Variants in GPATCH8 observed in about 807,000 individuals in gnomAD.
GPATCH8 encodes the protein G-patch domain containing 8, also known as G patch domain-containing protein 8.
GPATCH8 carries 18 observed loss-of-function variants against 118.3 expected under a neutral mutation model. The observed-to-expected ratio is 0.15, with a 90% CI of 0.11 to 0.23. The LOEUF (loss-of-function observed/expected upper bound fraction) is 0.23. GPATCH8 is among the 10% of genes least tolerant of loss of function. The pLI, the probability that GPATCH8 is intolerant of heterozygous loss-of-function variation, is 1.00. For missense variants in GPATCH8, 1,631 were observed against 1,873.8 expected (o/e 0.87, Z 2.39); for synonymous variants, 659 against 684.7 (o/e 0.96, Z 0.59).
At chr17:44,468,643 A>C (rs1044010425) in intron 2 of GPATCH8, among the ~76,000 whole-genome samples, 7 of 151,966 alleles carry the variant, frequency 4.6e-5, no homozygotes, top group Admixed American at 1.3e-4. Context: ...ATGACTAAAA[A>C]TCTTTTGGTT....
intron 1 of GPATCH8, 90 bp from the exon 2 acceptor site, chr17:44,474,993 TTTC>T (rs1249800795): frequency 1.1e-4 from 82 of 716,598 alleles, no homozygotes; most frequent in Non-Finnish European, 6.2e-5. Context: ...ATTTTTAACT[TTTC>T]TTTTTTTTTT....
chr17:44,426,215 A>G (rs1417304321), intron 5 of GPATCH8, among the ~76,000 whole-genome samples: 12 of 152,244 alleles, frequency 7.9e-5, no homozygotes, highest in South Asian at 2.1e-4. Flanking sequence ...GAACAAAGGG[A>G]TGAACTTGGG....
At chr17:44,457,858 G>T (rs978915859) in intron 3 of GPATCH8, among the ~76,000 whole-genome samples, 4 of 152,128 alleles carry the variant, frequency 2.6e-5, no homozygotes, top group African/African-American at 9.7e-5. Flanking sequence ...GAGGTGGGCA[G>T]ATCACGAGGT....
chr17:44,491,085 G>A (rs538583087), intron 1 of GPATCH8, among the ~76,000 whole-genome samples: 21 of 152,144 alleles, frequency 1.4e-4, no homozygotes, highest in Non-Finnish European at 2.8e-4. Context: ...GGAATTATTA[G>A]GACAAGTCAA....
At chr17:44,501,308 T>C (rs188048529) in intron 1 of GPATCH8, among the ~76,000 whole-genome samples, 154 of 151,866 alleles carry the variant, frequency 1.0e-3, no homozygotes, top group African/African-American at 3.5e-3. Flanking sequence ...TCCCAGCTGC[T>C]TGGGAGGCTG....
intron 2 of GPATCH8, chr17:44,465,985 A>G (rs933031673): frequency 8.5e-5 from 13 of 152,136 alleles, no homozygotes; most frequent in African/African-American, 2.9e-4. Context: ...AAACTGGGCT[A>G]AACAGCTAAT....
chr17:44,397,403 G>A lies in GPATCH8; in HGVS notation c.*165C>T. The A allele has an allele frequency of 1.4e-6, 1 of 702,910 alleles. No homozygotes were observed. The highest frequency in any genetic ancestry group is 1.5e-5 in the South Asian group (1 of 66,728). The allele number at this position is 702,910 out of a possible 1,614,324, so 43.5% of individuals were successfully genotyped here. The stretch of plus-strand genomic sequence containing the variant: ...AGAAATCCCTGATAGTAAACTGAAA[G>A]CAAACTTCAAATCTAAACCCACCCC... On this transcript the variant is annotated 3_prime_UTR_variant, in exon 8 of 8. Coordinates refer to ENST00000591680, the MANE Select transcript of GPATCH8 (RefSeq NM_001002909.4).
intron 2 of GPATCH8, 105 bp downstream of exon 2, chr17:44,474,724 T>C: frequency 1.4e-6 from 1 of 723,538 alleles, no homozygotes; most frequent in South Asian, 1.5e-5. Context: ...AACTCTAAAC[T>C]GTACTATTGG....
rs139103249 is a variant in GPATCH8 at position 44,458,007 on chromosome 17, C to T, written c.193+6465G>A. Among the ~76,000 whole-genome samples, 620 of 152,010 alleles carry T rather than the reference C, an allele frequency of 4.1e-3. 9 individuals are homozygous for T. The highest frequency in any genetic ancestry group is 0.014 in the African/African-American group (571 of 41,444). The stretch of plus-strand genomic sequence containing the variant: ...GGCTGAGGCAGGAGAATGGCGTGAA[C>T]CCGGGAGGTGGAGCTTGCAGTGAGC... On this transcript the variant is annotated intron_variant, in intron 3 of 7. Transcript: ENST00000591680.
At chr17:44,484,239 C>T (rs985868888) in intron 1 of GPATCH8, among the ~76,000 whole-genome samples, 4 of 152,194 alleles carry the variant, frequency 2.6e-5, no homozygotes, top group African/African-American at 9.7e-5. Context: ...CTGCCTCAGC[C>T]TCCCAAAGTG....
chr17:44,440,548 C>T (rs1226582907), intron 3 of GPATCH8, among the ~76,000 whole-genome samples: 3 of 152,154 alleles, frequency 2.0e-5, no homozygotes, highest in Non-Finnish European at 4.4e-5. Flanking sequence ...TCTGGGATTA[C>T]AAGTGTGAGC....
chr17:44,400,564 T>A lies in GPATCH8; in HGVS notation c.1513A>T (p.Thr505Ser). Reference protein sequence around the residue: ...LESHSQKVSETQMCESNSSKE... With the variant: ...LESHSQKVSESQMCESNSSKE... ...GAAGAGTTGGACTCACACATTTGGG[T>A]CTCTGAAACCTTCTGACTATGACTT... is the stretch of plus-strand genomic sequence containing the variant. Residue 505 changes from threonine to serine, a missense_variant, in exon 8 of 8, where the codon ACC becomes TCC. Thr to Ser is a moderately conservative substitution (Grantham distance 58). Coordinates refer to ENST00000591680, the MANE Select transcript of GPATCH8 (RefSeq NM_001002909.4). 6.2e-7 allele frequency: 1 copy of A among 1,614,144 alleles called. No individual in the cohort carries two copies. Among genetic ancestry groups the A allele is most frequent in the Non-Finnish European group, 8.5e-7 (1 of 1,179,994 alleles).
intron 6 of GPATCH8, among the ~76,000 whole-genome samples, chr17:44,412,785 T>A (rs2049492931): frequency 6.6e-6 from 1 of 152,148 alleles, no homozygotes; most frequent in African/African-American, 2.4e-5. Flanking sequence ...CCACTCCTTT[T>A]CCTCTTATGT....
rs2048778157 is a variant in GPATCH8, at chr17:44,396,333, C to A, written c.*1235G>T. The A allele has an allele frequency of 6.6e-6, 3 of 454,394 alleles. No individual in the cohort carries two copies. Among genetic ancestry groups the A allele is most frequent in the Non-Finnish European group, 1.3e-5 (3 of 226,792 alleles). The allele number at this position is 454,394 out of a possible 1,614,324, so 28.1% of individuals were successfully genotyped here. ...GGTCTACCTGTTTCTCTGTGTAAAA[C>A]AGCAAAAGTACATGAGGGAGACTGT... On this transcript the variant is annotated 3_prime_UTR_variant, in exon 8 of 8. Coordinates refer to ENST00000591680, the MANE Select transcript of GPATCH8 (RefSeq NM_001002909.4).
chr17:44,444,474 T>G (rs1367551639), intron 3 of GPATCH8, among the ~76,000 whole-genome samples: 1 of 151,638 alleles, frequency 6.6e-6, no homozygotes, highest in African/African-American at 2.4e-5. Flanking sequence ...AAGTCTTTAG[T>G]TTAAAGAAAA....
At chr17:44,409,668 T>C (rs985618208) in intron 6 of GPATCH8, among the ~76,000 whole-genome samples, 3 of 152,224 alleles carry the variant, frequency 2.0e-5, no homozygotes, top group Admixed American at 1.3e-4. Flanking sequence ...TACTAGGTGA[T>C]TTCACCTCTC....
At chr17:44,407,906 C>G (rs2049293528) in intron 6 of GPATCH8, among the ~76,000 whole-genome samples, 1 of 152,118 alleles carries the variant, frequency 6.6e-6, no homozygotes, top group Non-Finnish European at 1.5e-5. Context: ...ATCTACCTGC[C>G]TCGGCCTCCC....
intron 3 of GPATCH8, among the ~76,000 whole-genome samples, chr17:44,444,273 G>C (rs1301926811): frequency 6.8e-6 from 1 of 146,714 alleles, no homozygotes; most frequent in Non-Finnish European, 1.5e-5. Context: ...AAAACCTAAA[G>C]AAAATCATAC....
Position 44,397,378 on chromosome 17 carries a change from A to T in GPATCH8, c.*190T>A. On this transcript the variant is annotated 3_prime_UTR_variant, in exon 8 of 8. Transcript: ENST00000591680. ...ACAAATTGAGAGGAGGACAGGAAAA[A>T]GAAATCCCTGATAGTAAACTGAAAG... is the stretch of plus-strand genomic sequence containing the variant. 1 of 695,004 alleles carries T rather than the reference A, an allele frequency of 1.4e-6. No individual in the cohort carries two copies. The highest frequency in any genetic ancestry group is 2.6e-6 in the Non-Finnish European group (1 of 381,216). 43.1% of individuals were successfully genotyped at this position (695,004 alleles called of 1,614,324 possible).
Sources: gnomAD v4.1 joint callset for allele counts (sites outside exome capture counted in the v4.1 genomes callset) on GRCh38, gnomAD v4.1.1 for gene constraint, MANE v1.5 for transcripts, NCBI Gene and HGNC (gene_info 2026-07-23, HGNC 2026-07-21) for gene names.